ZNF85: variants seen among roughly 807,000 people sequenced by gnomAD.
ZNF85 encodes the protein zinc finger protein 85 (HPF4, HTF1).
A neutral mutation model predicts 53.9 loss-of-function variants in ZNF85; 50 were observed. The observed-to-expected ratio is 0.93, with a 90% CI of 0.74 to 1.17. ZNF85 has a LOEUF of 1.17. Among genes scored for constraint, ZNF85 ranks in the 50% most tolerant of loss-of-function variants. The probability of loss-of-function intolerance (pLI) is 0.00; values close to 1 mark genes in which losing one functional copy is unlikely to be tolerated. For missense variants in ZNF85, 747 were observed against 688.5 expected (o/e 1.08, Z -0.95); for synonymous variants, 225 against 226.1 (o/e 1.00, Z 0.04).
intron 3 of ZNF85, chr19:20,936,495 G>T (rs954775642): frequency 6.6e-6 from 1 of 152,204 alleles, no homozygotes; most frequent in Non-Finnish European, 1.5e-5. Flanking sequence ...AGGAGGCAGG[G>T]TCATTTATAA....
intron 1 of ZNF85, chr19:20,926,950 C>T (rs2144599895): frequency 6.6e-6 from 1 of 151,986 alleles, no homozygotes; most frequent in South Asian, 2.1e-4. Flanking sequence ...GCTTTGTTTC[C>T]TAGGGAGGAG....
Position 20,950,362 on chromosome 19 carries a change from T to C in ZNF85, c.*60T>C, listed in dbSNP as rs1191602350. On this transcript the variant is annotated 3_prime_UTR_variant, in exon 4 of 4. Transcript: ENST00000328178. The stretch of plus-strand genomic sequence containing the variant: ...TTACTAAACATAAGAAAATTTATAC[T>C]GGAGAGAAACTACTAACCTGAAAGA... 6 of 1,229,532 alleles carry C rather than the reference T, an allele frequency of 4.9e-6. No homozygotes were observed. The Admixed American group carries it at 1.6e-4, about 33-fold the overall frequency. The allele number at this position is 1,229,532 out of a possible 1,614,324, so 76.2% of individuals were successfully genotyped here. A position where few individuals can be genotyped will look rare whatever the true frequency, so the allele number is the denominator to read the frequency against.
chr19:20,934,818 T>C, intron 2 of ZNF85, 131 bp from the exon 3 acceptor site: 1 of 463,340 alleles, frequency 2.2e-6, no homozygotes, highest in South Asian at 4.4e-5. Context: ...AAATCAAAAA[T>C]ATTTTTTAAA....
rs557764975 is a variant in ZNF85 at position 20,948,933 on chromosome 19, C to T, written c.419C>T (p.Ala140Val). The part of the protein sequence containing the change: ...GCNGLNQCLT[A>V]TQSKIFQCDK... ...AATGGACTTAACCAATGTCTCACAG[C>T]TACCCAGAGCAAAATATTTCAATGT... The change falls in exon 4 of 4, where the codon GCT (alanine) becomes GTT (valine). Residue 140 changes from alanine (A) to valine (V), a missense_variant. Transcript: ENST00000328178. The T allele has an allele frequency of 6.2e-7, 1 of 1,613,644 alleles. No individual in the cohort carries two copies. Among genetic ancestry groups the T allele is most frequent in the Non-Finnish European group, 8.5e-7 (1 of 1,179,732 alleles).
At chr19:20,937,944 G>A (rs1973197618) in intron 3 of ZNF85, among the ~76,000 whole-genome samples, 1 of 152,158 alleles carries the variant, frequency 6.6e-6, no homozygotes, top group African/African-American at 2.4e-5. Context: ...ACCTGAATGA[G>A]GGCCTGCCTT....
chr19:20,930,343 G>T (rs909383870), intron 1 of ZNF85, among the ~76,000 whole-genome samples: 4 of 151,676 alleles, frequency 2.6e-5, no homozygotes, highest in Admixed American at 6.6e-5. Flanking sequence ...TCCAGTAGTT[G>T]CTCTGCAAGT....
In ZNF85 at chr19:20,949,355, A is replaced by G. The variant is rs1973508976; in HGVS notation, c.841A>G (p.Thr281Ala). The G allele has an allele frequency of 1.2e-6, 2 of 1,609,528 alleles. No individual in the cohort carries two copies. The highest frequency in any genetic ancestry group is 1.7e-6 in the Non-Finnish European group (2 of 1,177,030). The change falls in exon 4 of 4, where the codon ACT becomes GCT. Residue 281 changes from threonine to alanine, a missense_variant. Thr to Ala is a moderately conservative substitution (Grantham distance 58). Transcript: ENST00000328178. ...STLTTHKIIH[T>A]GEKPYKCKEC... Reference sequence around the variant, plus strand: ...TCTTACTACCCATAAGATAATTCATACTGGAGAGAAACCCTACAAATGTAA... The same window carrying G: ...TCTTACTACCCATAAGATAATTCATGCTGGAGAGAAACCCTACAAATGTAA...
At chr19:20,948,675 A>G (rs11085416) in intron 3 of ZNF85, 69 bp from the exon 4 acceptor site, 135,617 of 1,200,674 alleles carry the variant, frequency 0.11, 8,107 homozygotes, top group Non-Finnish European at 0.12. Context: ...AATTTTATAT[A>G]TTACATTTGT....
intron 3 of ZNF85, among the ~76,000 whole-genome samples, chr19:20,947,928 T>A (rs960119625): frequency 1.3e-5 from 2 of 152,204 alleles, no homozygotes; most frequent in South Asian, 4.1e-4. Flanking sequence ...TTATTTTTAA[T>A]GATAGCTTTC....
intron 1 of ZNF85, chr19:20,927,236 C>T (rs1001731354): frequency 2.0e-5 from 3 of 151,468 alleles, no homozygotes; most frequent in Non-Finnish European, 2.9e-5. Context: ...GGCATTTCAC[C>T]TGAGGTCAGG....
Position 20,949,580 on chromosome 19 carries a change from C to T in ZNF85, c.1066C>T (p.His356Tyr), listed in dbSNP as rs149517282. 1.9e-6 allele frequency: 3 copies of T among 1,592,198 alleles called. No individual in the cohort carries two copies. The highest frequency in any genetic ancestry group is 2.6e-6 in the Non-Finnish European group (3 of 1,166,812). The change falls in exon 4 of 4, where the codon CAC (histidine) becomes TAC (tyrosine). Residue 356 changes from histidine (H) to tyrosine (Y), a missense_variant. Transcript: ENST00000328178. ...KCGKAFNQSA[H>Y]LTTHEVIHTG... Reference sequence around the variant, plus strand: ...TGGAAAAGCCTTTAACCAGTCTGCACACCTTACCACACATGAGGTAATTCA... The same window carrying T: ...TGGAAAAGCCTTTAACCAGTCTGCATACCTTACCACACATGAGGTAATTCA...
chr19:20,932,217 A>G (rs1016909894), intron 1 of ZNF85, among the ~76,000 whole-genome samples: 14 of 152,308 alleles, frequency 9.2e-5, no homozygotes, highest in African/African-American at 2.6e-4. Flanking sequence ...GAAAAAGAGG[A>G]AAAAAATGGC....
intron 3 of ZNF85, among the ~76,000 whole-genome samples, chr19:20,948,126 G>C (rs1221415549): frequency 6.6e-6 from 1 of 152,046 alleles, no homozygotes; most frequent in Non-Finnish European, 1.5e-5. Context: ...ATGTTCTTAG[G>C]ATGTGTCTTG....
At chr19:20,929,859 G>A (rs182141759) in intron 1 of ZNF85, among the ~76,000 whole-genome samples, 114 of 152,240 alleles carry the variant, frequency 7.5e-4, no homozygotes, top group East Asian at 5.8e-4. Context: ...GGTGGCTTAC[G>A]CCTATAATCC....
At chr19:20,930,173 C>T (rs1447335441) in intron 1 of ZNF85, among the ~76,000 whole-genome samples, 1 of 146,154 alleles carries the variant, frequency 6.8e-6, no homozygotes, top group Non-Finnish European at 1.5e-5. Context: ...GTGAATCCTT[C>T]TGCCTTTCTA....
At chr19:20,931,620 C>CTTTTTTTTTTTTTTT (rs1156835317) in intron 1 of ZNF85, among the ~76,000 whole-genome samples, 8 of 119,460 alleles carry the variant, frequency 6.7e-5, no homozygotes, top group Non-Finnish European at 1.0e-4. Context: ...TTTTCTTTTT[C>CTTTTTTTTTTTTTTT]TTTTTTTTTT....
rs1973539477 is a variant in ZNF85 at position 20,950,024 on chromosome 19, C to T, written c.1510C>T (p.His504Tyr). The T allele has an allele frequency of 6.2e-7, 1 of 1,612,946 alleles. No homozygotes were observed. The highest frequency in any genetic ancestry group is 1.7e-5 in the Admixed American group (1 of 59,970). ...AACCCTTACTATCCATAAGATAATT[C>T]ATACTGGAGAGAAACCATACAAATG... ...PSTLTIHKII[H>Y]TGEKPYKCEE... is the part of the protein sequence containing the mutation. Residue 504 changes from histidine (H) to tyrosine (Y), a missense_variant, in exon 4 of 4, where the codon CAT becomes TAT. Physicochemically the swap from His to Tyr is moderately conservative, Grantham distance 83. Transcript: ENST00000328178.
intron 3 of ZNF85, among the ~76,000 whole-genome samples, chr19:20,941,193 G>A (rs887545426): frequency 6.6e-6 from 1 of 152,066 alleles, no homozygotes; most frequent in Non-Finnish European, 1.5e-5. Context: ...ATTCTGATGG[G>A]TGTGAAGTGA....
intron 2 of ZNF85, among the ~76,000 whole-genome samples, 167 bp from the exon 3 acceptor site, chr19:20,934,782 C>CA (rs57803900): frequency 0.19 from 14,450 of 77,996 alleles, 1,104 homozygotes; most frequent in Middle Eastern, 0.28. Context: ...GACTCCATCT[C>CA]AAAAAAAAAA....
Sources: gnomAD v4.1 joint callset for allele counts (sites outside exome capture counted in the v4.1 genomes callset) on GRCh38, gnomAD v4.1.1 for gene constraint, MANE v1.5 for transcripts, NCBI Gene and HGNC (gene_info 2026-07-23, HGNC 2026-07-21) for gene names.